KNL1: variants seen among roughly 807,000 people sequenced by gnomAD.
KNL1 encodes outer kinetochore KNL1 complex subunit KNL1.
Under a neutral mutation model 201.3 loss-of-function variants are expected in KNL1, and 66 were observed. The ratio of observed to expected loss-of-function variants is 0.33; its 90% CI spans 0.27 to 0.40. KNL1 has a LOEUF of 0.40. Ranked by LOEUF, KNL1 falls within the 10% of genes least tolerant of loss-of-function variation. KNL1 has a pLI of 1.00. For synonymous variants in KNL1, 895 were observed against 899.2 expected (o/e 1.00, Z 0.08); for missense variants, 2,815 against 2,690.5 (o/e 1.05, Z -1.02).
chr15:40,654,773 G>T (rs1893670074), intron 21 of KNL1, 136 bp from the exon 22 acceptor site: 1 of 599,324 alleles, frequency 1.7e-6, no homozygotes, highest in Non-Finnish European at 2.9e-6. Context: ...GGAGGCTGAG[G>T]CAGGAGAATC....
chr15:40,612,867 A>G (rs1460352155), intron 7 of KNL1, among the ~76,000 whole-genome samples: 1 of 152,108 alleles, frequency 6.6e-6, no homozygotes, highest in Non-Finnish European at 1.5e-5. Flanking sequence ...GTAAAAAGTC[A>G]CTCCGTGCTA....
At chr15:40,635,347 C>T (rs913256545) in intron 13 of KNL1, among the ~76,000 whole-genome samples, 24 of 151,414 alleles carry the variant, frequency 1.6e-4, no homozygotes, top group Non-Finnish European at 2.9e-4. Context: ...CCACCATGCC[C>T]GGCCTGTTTC....
At chr15:40,617,350 G>A (rs1892374663) in intron 8 of KNL1, among the ~76,000 whole-genome samples, 1 of 151,620 alleles carries the variant, frequency 6.6e-6, no homozygotes. Context: ...TTTAACTTCA[G>A]TGCTATCCAA....
chr15:40,597,153 G>A (rs1179869596), intron 1 of KNL1, among the ~76,000 whole-genome samples: 1 of 152,130 alleles, frequency 6.6e-6, no homozygotes, highest in African/African-American at 2.4e-5. Flanking sequence ...CAGAACTGCT[G>A]TGCATCTCTC....
Position 40,623,761 on chromosome 15 carries a change from T to G in KNL1, c.3497T>G (p.Val1166Gly), listed in dbSNP as rs1458231798. The change falls in exon 10 of 26, where the codon GTC becomes GGC. Residue 1166 changes from valine to glycine, a missense_variant. Transcript: ENST00000399668. The part of the protein sequence containing the change: ...LFTDNYSDLE[V>G]TDSHTVFIDC... ...ACAGATAATTACAGTGATCTGGAAG[T>G]CACCGATTCCCATACTGTTTTCATT... The G allele has an allele frequency of 6.2e-7, 1 of 1,613,936 alleles. No homozygotes were observed. Among genetic ancestry groups the G allele is most frequent in the Non-Finnish European group, 8.5e-7 (1 of 1,179,894 alleles).
chr15:40,660,664 CA>C (rs35985022), intron 25 of KNL1, among the ~76,000 whole-genome samples: 18 of 88,806 alleles, frequency 2.0e-4, no homozygotes, highest in Admixed American at 1.0e-3. Flanking sequence ...AACTCCGTCT[CA>C]AAAAAAAAAA....
intron 17 of KNL1, among the ~76,000 whole-genome samples, chr15:40,649,496 A>T (rs1403903064): frequency 1.3e-5 from 2 of 151,754 alleles, no homozygotes; most frequent in Non-Finnish European, 2.9e-5. Flanking sequence ...GTGTTTCACC[A>T]TCTTGGCCAG....
chr15:40,634,077 T>C (rs923810754), intron 13 of KNL1, among the ~76,000 whole-genome samples: 2 of 152,016 alleles, frequency 1.3e-5, no homozygotes, highest in East Asian at 1.9e-4. Flanking sequence ...GTGTTTGTAT[T>C]TTAGGTTTTT....
chr15:40,641,347 G>A lies in KNL1; in HGVS notation c.5798+320G>A, dbSNP rs8027048. ...ATAAATTGTTTTCATACCATTCTTA[G>A]GAAAAGGTAGGTCCTTAATAAGAAT... is the stretch of plus-strand genomic sequence containing the variant. On this transcript the variant is annotated intron_variant, in intron 14 of 25. Coordinates refer to ENST00000399668, the MANE Select transcript of KNL1 (RefSeq NM_144508.5). Among the ~76,000 whole-genome samples, 1,024 of 152,248 alleles carry A rather than the reference G, an allele frequency of 6.7e-3. 8 individuals carry two copies. The highest frequency in any genetic ancestry group is 0.024 in the African/African-American group (983 of 41,548).
intron 13 of KNL1, among the ~76,000 whole-genome samples, chr15:40,637,103 G>T (rs532486906): frequency 6.7e-6 from 1 of 149,482 alleles, no homozygotes. Flanking sequence ...AAACATTGCC[G>T]ATTAGTTGAA....
rs191249840 is a variant in KNL1 at position 40,625,535 on chromosome 15, C to G, written c.5271C>G (p.Cys1757Trp). ...ATGAAAATAAAATGGGAAAAACTTG[C>G]AATAGCCAAAAAAGAACGTGGGTAC... ...SPYENKMGKTCNSQKRTWVQE... is the reference protein window; with the variant it reads ...SPYENKMGKTWNSQKRTWVQE... Residue 1757 changes from cysteine to tryptophan, a missense_variant, in exon 10 of 26, where the codon TGC becomes TGG. This residue lies in a region of KNL1 where 2,464 missense variants were observed against 2,291.7 expected (regional missense o/e 1.08). Coordinates refer to ENST00000399668, the MANE Select transcript of KNL1 (RefSeq NM_144508.5). 1.2e-5 allele frequency: 19 copies of G among 1,607,476 alleles called. No homozygotes were observed. The Admixed American group carries it at 2.9e-4, about 25-fold the overall frequency.
At chr15:40,630,268 G>A (rs929524802) in intron 13 of KNL1, among the ~76,000 whole-genome samples, 1 of 152,082 alleles carries the variant, frequency 6.6e-6, no homozygotes, top group Admixed American at 6.5e-5. Flanking sequence ...TTGTCTTAAG[G>A]CTGTCAGACA....
In KNL1 at chr15:40,662,335, T is replaced by C. The variant is rs1023705575; in HGVS notation, c.*147T>C. 1.4e-5 allele frequency: 8 copies of C among 590,008 alleles called. No homozygotes were observed. The Admixed American group carries it at 2.4e-4, about 18-fold the overall frequency. 36.5% of individuals were successfully genotyped at this position (590,008 alleles called of 1,614,324 possible). On this transcript the variant is annotated 3_prime_UTR_variant, in exon 26 of 26. Coordinates refer to ENST00000399668, the MANE Select transcript of KNL1 (RefSeq NM_144508.5). ...TTATAGTTAATCTGTATGTTTTTTA[T>C]ATCTCTGCAGAATGATGGTGATGAA...
chr15:40,616,378 C>T lies in KNL1; in HGVS notation c.322+1000C>T, dbSNP rs181589224. ...CTGACCTCAGGTGATCCACCCGCCT[C>T]GGCCTCCCAAAGTGCTGGGATTATA... On this transcript the variant is annotated intron_variant, in intron 8 of 25. Transcript: ENST00000399668. Among the ~76,000 whole-genome samples the T allele has an allele frequency of 1.2e-3, 176 of 148,976 alleles. 2 individuals carry two copies. The highest frequency in any genetic ancestry group is 9.1e-4 in the Non-Finnish European group (61 of 66,966).
At chr15:40,601,683 C>T (rs2141695628) in intron 1 of KNL1, among the ~76,000 whole-genome samples, 2 of 151,312 alleles carry the variant, frequency 1.3e-5, no homozygotes, top group East Asian at 4.0e-4. Context: ...TAGCCGGGCG[C>T]GGTCGTGGGC....
chr15:40,611,882 A>G (rs1376194804), intron 7 of KNL1, among the ~76,000 whole-genome samples: 2 of 152,178 alleles, frequency 1.3e-5, no homozygotes, highest in African/African-American at 2.4e-5. Flanking sequence ...AGATTTGATT[A>G]TATTGAGATA....
At chr15:40,600,075 CTTTTTTTTT>C (rs10706832) in intron 1 of KNL1, among the ~76,000 whole-genome samples, 1 of 100,192 alleles carries the variant, frequency 1.0e-5, no homozygotes. Context: ...TTTGGGATTC[CTTTTTTTTT>C]TTTTTTTTTG....
chr15:40,625,874 A>G (rs1336605824), intron 10 of KNL1: 6 of 438,122 alleles, frequency 1.4e-5, no homozygotes, highest in Non-Finnish European at 2.4e-5. Context: ...TTAAATGGAA[A>G]ATTGTACAAA....
intron 4 of KNL1, 52 bp from the exon 5 acceptor site, chr15:40,608,795 G>T: frequency 2.3e-5 from 26 of 1,141,990 alleles, no homozygotes; most frequent in Middle Eastern, 2.0e-4. Flanking sequence ...CTCTGGAGAT[G>T]TAATTCACAG....
Sources: gnomAD v4.1 joint callset for allele counts (sites outside exome capture counted in the v4.1 genomes callset) on GRCh38, gnomAD v4.1.1 for gene constraint, gnomAD v4.1.1 regional missense constraint, MANE v1.5 for transcripts, NCBI Gene and HGNC (gene_info 2026-07-23, HGNC 2026-07-21) for gene names.